CSNK2A2IP: variants seen among roughly 807,000 people sequenced by gnomAD.
CSNK2A2IP encodes casein kinase 2 subunit alpha' interacting protein.
chr3:88,395,987 T>C, the CSNK2A2IP span, among the ~76,000 whole-genome samples: 1 of 152,204 alleles, frequency 6.6e-6, no homozygotes, highest in Non-Finnish European at 1.5e-5. Context: ...ATCCTGGAGT[T>C]ACCATGATTA....
the CSNK2A2IP span, chr3:88,467,381 A>G: frequency 1.3e-5 from 5 of 398,492 alleles, no homozygotes; most frequent in Non-Finnish European, 2.2e-5. Flanking sequence ...CTTAGCTACC[A>G]TCGGTTGCCT....
chr3:88,435,821 C>A, the CSNK2A2IP span, among the ~76,000 whole-genome samples: 4 of 151,706 alleles, frequency 2.6e-5, no homozygotes, highest in African/African-American at 9.7e-5. Flanking sequence ...TCTGAATCAG[C>A]AGAATATTTT....
the CSNK2A2IP span, among the ~76,000 whole-genome samples, chr3:88,354,829 A>T: frequency 6.6e-6 from 1 of 152,178 alleles, no homozygotes; most frequent in African/African-American, 2.4e-5. Context: ...TACTATACTA[A>T]TCATAATTAG....
chr3:88,459,730 G>A, the CSNK2A2IP span, among the ~76,000 whole-genome samples: 2 of 152,022 alleles, frequency 1.3e-5, no homozygotes, highest in Non-Finnish European at 2.9e-5. Context: ...GTTTTTCTTA[G>A]TAGTTTACAG....
the CSNK2A2IP span, among the ~76,000 whole-genome samples, chr3:88,381,631 C>G: frequency 6.6e-6 from 1 of 152,112 alleles, no homozygotes; most frequent in Non-Finnish European, 1.5e-5. Context: ...TCTTCAGACT[C>G]CAAGCATGGA....
the CSNK2A2IP span, among the ~76,000 whole-genome samples, chr3:88,413,474 G>T: frequency 6.6e-6 from 1 of 151,878 alleles, no homozygotes; most frequent in South Asian, 2.1e-4. Context: ...AATATTCTTG[G>T]GTGTGGTAAT....
chr3:88,341,191 A>T, the CSNK2A2IP span, among the ~76,000 whole-genome samples: 1 of 151,882 alleles, frequency 6.6e-6, no homozygotes, highest in African/African-American at 2.4e-5. Flanking sequence ...TATTCTATAT[A>T]AAAAATAATC....
At chr3:88,407,806 C>G in the CSNK2A2IP span, among the ~76,000 whole-genome samples, 1 of 152,040 alleles carries the variant, frequency 6.6e-6, no homozygotes, top group Admixed American at 6.6e-5. Flanking sequence ...TCACTGCAAC[C>G]TCCGCCTCCC....
chr3:88,399,910 C>T, the CSNK2A2IP span: 1 of 152,082 alleles, frequency 6.6e-6, no homozygotes, highest in Admixed American at 6.5e-5. Context: ...AAATATGGCA[C>T]AGAAATTACA....
At chr3:88,403,488 T>C in the CSNK2A2IP span, among the ~76,000 whole-genome samples, 1 of 152,266 alleles carries the variant, frequency 6.6e-6, no homozygotes, top group Admixed American at 6.5e-5. Flanking sequence ...CTTTGTTCTT[T>C]TATTTTCATC....
chr3:88,425,332 T>C, the CSNK2A2IP span, among the ~76,000 whole-genome samples: 1 of 152,134 alleles, frequency 6.6e-6, no homozygotes, highest in African/African-American at 2.4e-5. Flanking sequence ...TGCATCAGCA[T>C]GCTTTAAAAG....
chr3:88,377,589 A>G, the CSNK2A2IP span, among the ~76,000 whole-genome samples: 1 of 151,848 alleles, frequency 6.6e-6, no homozygotes, highest in Non-Finnish European at 1.5e-5. Flanking sequence ...TCATGTTGTA[A>G]ATATTAATAG....
At chr3:88,342,628 A>AGTTTT in the CSNK2A2IP span, among the ~76,000 whole-genome samples, 1 of 151,622 alleles carries the variant, frequency 6.6e-6, no homozygotes, top group African/African-American at 2.4e-5. Context: ...AATACTCAGA[A>AGTTTT]CTTTTTTTGT....
the CSNK2A2IP span, among the ~76,000 whole-genome samples, chr3:88,340,813 A>C: frequency 6.6e-6 from 1 of 152,076 alleles, no homozygotes; most frequent in South Asian, 2.1e-4. Context: ...CTTAATTGAT[A>C]GTGTTCAATG....
the CSNK2A2IP span, among the ~76,000 whole-genome samples, chr3:88,394,071 A>T: frequency 6.6e-6 from 1 of 152,210 alleles, no homozygotes; most frequent in African/African-American, 2.4e-5. Context: ...TCAGTAGATA[A>T]GTAGTTTACA....
chr3:88,448,728 C>T, the CSNK2A2IP span, among the ~76,000 whole-genome samples: 161 of 152,308 alleles, frequency 1.1e-3, no homozygotes, highest in African/African-American at 3.8e-3. Context: ...TCACAGCGAA[C>T]CTGCAGCCTA....
At chr3:88,397,725 T>C in the CSNK2A2IP span, among the ~76,000 whole-genome samples, 3 of 151,512 alleles carry the variant, frequency 2.0e-5, no homozygotes, top group African/African-American at 7.3e-5. Flanking sequence ...AAAATCAGCC[T>C]TTAAATTATT....
chr3:88,379,093 T>C, the CSNK2A2IP span, among the ~76,000 whole-genome samples: 5 of 152,114 alleles, frequency 3.3e-5, no homozygotes, highest in South Asian at 1.0e-3. Context: ...TTGTTAATGA[T>C]CTTCGCTCCA....
the CSNK2A2IP span, among the ~76,000 whole-genome samples, chr3:88,457,339 G>C: frequency 2.0e-5 from 3 of 151,936 alleles, no homozygotes; most frequent in African/African-American, 7.3e-5. Flanking sequence ...GATTTGACTG[G>C]CTAAAATTTG....
Sources: gnomAD v4.1 joint callset for allele counts (sites outside exome capture counted in the v4.1 genomes callset) on GRCh38, gnomAD v4.1.1 for gene constraint, MANE v1.5 for transcripts, NCBI Gene and HGNC (gene_info 2026-07-23, HGNC 2026-07-21) for gene names.